PHF24: variants seen among roughly 807,000 people sequenced by gnomAD.
The protein encoded by PHF24 is Galpha inhibitory interacting protein.
A neutral mutation model predicts 42.6 loss-of-function variants in PHF24; 25 were observed. The ratio of observed to expected loss-of-function variants is 0.59; its 90% CI spans 0.43 to 0.82. The LOEUF (loss-of-function observed/expected upper bound fraction) is 0.82, where lower values mean the gene tolerates loss of function less well. Ranked by LOEUF, PHF24 falls within the 40% of genes least tolerant of loss-of-function variation. PHF24 has a pLI of 0.00. For missense variants in PHF24, 470 were observed against 538.1 expected, an observed-to-expected ratio of 0.87 and a Z score of 1.25; for synonymous variants, 185 against 204.8, an observed-to-expected ratio of 0.90 and a Z score of 0.83.
rs1342063363 is a variant in PHF24 at position 34,976,843 on chromosome 9, A to C, written c.849+103A>C. ...AGCACTGGGTCCTGCTCAAGCAGGG[A>C]CAAGTATCAGGAATGGGCTCAGGTT... On this transcript the variant is annotated intron_variant, in intron 5 of 7. Transcript: ENST00000242315. The C allele has an allele frequency of 3.7e-6, 4 of 1,071,764 alleles. No homozygotes were observed. In the South Asian group the frequency reaches 4.5e-5, roughly 12 times the overall value. The allele number at this position is 1,071,764 out of a possible 1,614,324, so 66.4% of individuals were successfully genotyped here.
chr9:34,688,132 G>A, the PHF24 span, among the ~76,000 whole-genome samples: 3 of 152,114 alleles, frequency 2.0e-5, no homozygotes, highest in Non-Finnish European at 4.4e-5. Flanking sequence ...AGTGAGGAGG[G>A]GCTTTCACAA....
the PHF24 span, among the ~76,000 whole-genome samples, chr9:34,925,441 T>C: frequency 6.6e-6 from 1 of 152,198 alleles, no homozygotes; most frequent in African/African-American, 2.4e-5. Context: ...TTAAATATAT[T>C]TTCCTCATCT....
the PHF24 span, among the ~76,000 whole-genome samples, chr9:34,910,635 G>C: frequency 6.6e-6 from 1 of 152,080 alleles, no homozygotes. Flanking sequence ...TAAACTGTTA[G>C]GGTTTCTTTT....
chr9:34,915,026 CTTTTTTTTTTTTT>C, the PHF24 span, among the ~76,000 whole-genome samples: 1 of 37,458 alleles, frequency 2.7e-5, no homozygotes, highest in Non-Finnish European at 4.5e-5. Flanking sequence ...TTTTTCTTTT[CTTTTTTTTTTTTT>C]TTTTTTTTTT....
chr9:34,895,348 G>A, the PHF24 span, among the ~76,000 whole-genome samples: 1 of 152,156 alleles, frequency 6.6e-6, no homozygotes, highest in Admixed American at 6.5e-5. Flanking sequence ...TGAGACGGGA[G>A]GAAAAGTGGA....
intron 1 of PHF24, among the ~76,000 whole-genome samples, chr9:34,962,522 C>G (rs1020743003): frequency 9.9e-5 from 15 of 152,144 alleles, no homozygotes; most frequent in Non-Finnish European, 2.2e-4. Flanking sequence ...ATTCTACCAT[C>G]AGTTATTAAG....
intron 1 of PHF24, among the ~76,000 whole-genome samples, chr9:34,965,630 A>C: frequency 6.6e-6 from 1 of 152,250 alleles, no homozygotes; most frequent in East Asian, 1.9e-4. Flanking sequence ...ATAGCTTCAT[A>C]GCTATTCTTG....
chr9:34,853,963 T>C, the PHF24 span, among the ~76,000 whole-genome samples: 10 of 152,198 alleles, frequency 6.6e-5, no homozygotes, highest in Non-Finnish European at 1.5e-4. Flanking sequence ...GAACTTGTTA[T>C]TGGTCTTTTT....
In PHF24 at chr9:34,958,735, T is replaced by A. The variant is rs1826483339; in HGVS notation, c.-5+334T>A. ...TGGGAGCAGGCACAAGGGTGGTCTC[T>A]GGAGCTGGCTCAATGGAAGACCACC... On this transcript the variant is annotated intron_variant, in intron 1 of 7. Coordinates refer to ENST00000242315, the Ensembl canonical transcript of PHF24. The surrounding 1 kb of genome is among the most constrained non-coding windows in gnomAD (Gnocchi z 4.5). Among the ~76,000 whole-genome samples the A allele has an allele frequency of 6.6e-6, 1 of 152,154 alleles. No homozygotes were observed. The highest frequency in any genetic ancestry group is 1.5e-5 in the Non-Finnish European group (1 of 68,006).
At chr9:34,708,797 T>G in the PHF24 span, among the ~76,000 whole-genome samples, 1 of 152,188 alleles carries the variant, frequency 6.6e-6, no homozygotes, top group African/African-American at 2.4e-5. Flanking sequence ...ACCTCTCCAT[T>G]GGCAGGATGC....
chr9:34,877,832 C>T, the PHF24 span, among the ~76,000 whole-genome samples: 1 of 152,006 alleles, frequency 6.6e-6, no homozygotes, highest in Non-Finnish European at 1.5e-5. Flanking sequence ...CCCATCAACC[C>T]ATCACCTACA....
At chr9:34,823,654 G>A in the PHF24 span, among the ~76,000 whole-genome samples, 6 of 152,098 alleles carry the variant, frequency 3.9e-5, no homozygotes, top group African/African-American at 1.2e-4. Flanking sequence ...GGAAAGGGGG[G>A]AAGCTTTGCT....
At chr9:34,885,444 C>T in the PHF24 span, among the ~76,000 whole-genome samples, 1 of 135,048 alleles carries the variant, frequency 7.4e-6, no homozygotes, top group East Asian at 2.1e-4. Context: ...TCCCAACTGT[C>T]TCTCACAACA....
At chr9:34,878,575 C>T in the PHF24 span, among the ~76,000 whole-genome samples, 1 of 152,246 alleles carries the variant, frequency 6.6e-6, no homozygotes, top group African/African-American at 2.4e-5. Flanking sequence ...ATATCCCACA[C>T]CTGGCTCAGA....
At chr9:34,898,069 A>C in the PHF24 span, among the ~76,000 whole-genome samples, 1 of 152,146 alleles carries the variant, frequency 6.6e-6, no homozygotes, top group Non-Finnish European at 1.5e-5. Context: ...TTACCCACTC[A>C]TTGACTGATG....
chr9:34,966,587 C>CT (rs1012203508), intron 1 of PHF24, among the ~76,000 whole-genome samples: 1 of 151,538 alleles, frequency 6.6e-6, no homozygotes. Flanking sequence ...GAGACCCCCC[C>CT]CCTCGCCCCA....
the PHF24 span, among the ~76,000 whole-genome samples, chr9:34,870,047 A>T: frequency 6.6e-5 from 10 of 152,084 alleles, no homozygotes; most frequent in Non-Finnish European, 1.3e-4. Context: ...TTGTTTTTTT[A>T]AATTAATAAG....
chr9:34,980,817 T>C (rs1274002227), exon 8 of PHF24: 1 of 152,232 alleles, frequency 6.6e-6, no homozygotes, highest in Non-Finnish European at 1.5e-5. Flanking sequence ...TTGAGATCAG[T>C]GTTTCTAACC....
the PHF24 span, among the ~76,000 whole-genome samples, chr9:34,851,434 C>T: frequency 6.6e-6 from 1 of 152,136 alleles, no homozygotes; most frequent in South Asian, 2.1e-4. Context: ...CCTGGTGCGC[C>T]GTTTTTTAAG....
Sources: allele counts gnomAD v4.1 joint callset (sites outside exome capture counted in the v4.1 genomes callset), GRCh38; gene constraint gnomAD v4.1.1; non-coding constraint Gnocchi (gnomAD v3.1); transcripts MANE v1.5; gene names NCBI Gene and HGNC (gene_info 2026-07-23, HGNC 2026-07-21).